RTL5: variants seen among roughly 807,000 people sequenced by gnomAD.
RTL5 encodes retrotransposon Gag like 5.
Under a neutral mutation model 7.7 loss-of-function variants are expected in RTL5, and 8 were observed. That is an observed-to-expected ratio of 1.04 (90% CI 0.61 to 1.88). The LOEUF is 1.88. Ranked by LOEUF, RTL5 falls within the 40% of genes most tolerant of loss-of-function variation. The probability of loss-of-function intolerance (pLI) is 0.00; values close to 1 mark genes in which losing one functional copy is unlikely to be tolerated. For missense variants in RTL5, 457 were observed against 472.7 expected (o/e 0.97, Z 0.31); for synonymous variants, 188 against 191.8 (o/e 0.98, Z 0.16).
At chrX:72,130,656 G>A (rs1304759670) in exon 1 of RTL5, 28 of 1,209,884 alleles carry the variant, frequency 2.3e-5, no homozygotes, top group Non-Finnish European at 3.1e-5. Flanking sequence ...CATCCAGGTC[G>A]GCCATTTCTG....
exon 1 of RTL5, chrX:72,129,856 G>A: frequency 8.3e-7 from 1 of 1,200,513 alleles, no homozygotes; most frequent in South Asian, 1.8e-5. Context: ...GCCACGAGCA[G>A]CTCGGTGGCC....
chrX:72,130,415 TCTC>T (rs778540620), exon 1 of RTL5: 382 of 1,192,969 alleles, frequency 3.2e-4, no homozygotes, highest in Non-Finnish European at 3.9e-4. Context: ...TCCTCCTCCT[TCTC>T]CTTCATCTCT....
rs748803964 is a variant in RTL5 at position 72,129,982 on chromosome X, C to G, written c.1559G>C (p.Gly520Ala). The change falls in exon 1 of 1, where the codon GGC becomes GCC. Residue 520 changes from glycine to alanine, a missense_variant. By Grantham distance (60) the Gly-to-Ala change is moderately conservative (BLOSUM62 0). Transcript: ENST00000609883. ...GGAGCTGTAGAATGGTGAATTGGTG[C>G]CTGGAAGGCCTTCCAGAAGTGGGAC... 9.1e-6 allele frequency: 11 copies of G among 1,209,425 alleles called. No homozygotes were observed. In the African/African-American group the frequency reaches 1.6e-4, roughly 17 times the overall value.
In RTL5 at chrX:72,130,074, G is replaced by A. The variant is rs767637198; in HGVS notation, c.1467C>T (p.His489=). ...GTGATGCACCCAGGAAGTTTTCGGC[G>A]TGGTAACCACTTGTGGGGCCAGAAG... The change falls in exon 1 of 1, where the codon CAC becomes CAT. Residue 489 remains histidine (H), a synonymous_variant. Coordinates refer to ENST00000609883, the Ensembl canonical transcript of RTL5. The A allele has an allele frequency of 1.6e-5, 19 of 1,209,122 alleles. No individual in the cohort carries two copies. The South Asian group carries it at 1.6e-4, about 10-fold the overall frequency.
At chrX:72,128,753 T>G (rs947389384) in exon 1 of RTL5, 1 of 112,972 alleles carries the variant, frequency 8.9e-6, no homozygotes, top group Admixed American at 9.3e-5. Flanking sequence ...GCCCTCTCTC[T>G]GTCTGTCCCA....
exon 1 of RTL5, chrX:72,131,558 C>T (rs1220845611): frequency 2.6e-6 from 3 of 1,148,190 alleles, no homozygotes; most frequent in African/African-American, 1.8e-5. Context: ...AGCCCAGGGG[C>T]CCTGGGGCTC....
rs1013475859 is a variant in RTL5, at chrX:72,130,672, C to T, written c.869G>A (p.Trp290Ter). The T allele has an allele frequency of 5.0e-6, 6 of 1,211,903 alleles. No homozygotes were observed. Among genetic ancestry groups the T allele is most frequent in the Non-Finnish European group, 6.7e-6 (6 of 895,461 alleles). The stretch of plus-strand genomic sequence containing the variant: ...ATCCAGGTCGGCCATTTCTGTTGAC[C>T]ATAAGAGCTCTTTGCGGAAGAATTC... The change falls in exon 1 of 1, where the codon TGG becomes TAG. Residue 290 changes from tryptophan to a stop codon, truncating the protein, a stop_gained. Transcript: ENST00000609883. LOFTEE classifies it low-confidence loss of function (END_TRUNC).
chrX:72,128,163 C>T (rs1403947247), exon 1 of RTL5: 6 of 112,018 alleles, frequency 5.4e-5, no homozygotes, highest in Admixed American at 3.7e-4. Flanking sequence ...GGGCATCTTA[C>T]CTCCCACTGA....
exon 1 of RTL5, chrX:72,130,547 T>C: frequency 8.3e-7 from 1 of 1,211,328 alleles, no homozygotes; most frequent in Non-Finnish European, 1.1e-6. Context: ...TCATTGGGAC[T>C]CGGAGCAAAA....
chrX:72,131,878 G>A, upstream of RTL5: 2 of 342,066 alleles, frequency 5.8e-6, no homozygotes, highest in Non-Finnish European at 9.8e-6. Context: ...AGGGGCGAGC[G>A]GAGCGGGAGG....
chrX:72,128,787 C>T (rs2042252472), exon 1 of RTL5: 1 of 113,172 alleles, frequency 8.8e-6, no homozygotes, highest in East Asian at 2.8e-4. Context: ...ATCAGGCCTC[C>T]TCTGCAACTC....
In RTL5 at chrX:72,129,869, CCT is replaced by C. The variant is rs772050607; in HGVS notation, c.1670_1671del (p.Gln557ArgfsTer55). 68 of 1,201,243 alleles carry C rather than the reference CCT, an allele frequency of 5.7e-5. No individual in the cohort carries two copies. The highest frequency in any genetic ancestry group is 1.6e-4 in the Admixed American group (7 of 44,989). ...CGGCCACGAGCAGCTCGGTGGCCCC[CCT>C]GTCTCGGAGTGAGGCGGAAAAGCAC... On this transcript the variant is annotated frameshift_variant, in exon 1 of 1. Coordinates refer to ENST00000609883, the Ensembl canonical transcript of RTL5. LOFTEE classifies it high-confidence loss of function.
chrX:72,129,047 A>C (rs2042256237), exon 1 of RTL5: 1 of 113,054 alleles, frequency 8.8e-6, no homozygotes, highest in Non-Finnish European at 1.9e-5. Context: ...GGGGGTGCCC[A>C]GGAGGGCAAT....
At chrX:72,128,584 C>A (rs1485582117) in exon 1 of RTL5, 1 of 112,876 alleles carries the variant, frequency 8.9e-6, no homozygotes, top group Non-Finnish European at 1.9e-5. Context: ...GAGGCAGCCA[C>A]CCTCTTAAGC....
chrX:72,127,604 T>C (rs1055837556), downstream of RTL5: 1 of 112,098 alleles, frequency 8.9e-6, no homozygotes, highest in African/African-American at 3.2e-5. Context: ...GGCCAGAGTG[T>C]TGACCATCAG....
chrX:72,130,338 C>A, exon 1 of RTL5: 2 of 1,174,750 alleles, frequency 1.7e-6, no homozygotes, highest in Non-Finnish European at 1.2e-6. Flanking sequence ...CTTTCTGTTT[C>A]ATTTCCTCTT....
exon 1 of RTL5, chrX:72,131,328 G>T (rs774040323): frequency 8.3e-7 from 1 of 1,203,006 alleles, no homozygotes; most frequent in Non-Finnish European, 1.1e-6. Flanking sequence ...CACTGAGCGC[G>T]AACTCCAAGT....
chrX:72,129,725 A>G, exon 1 of RTL5: 1 of 793,857 alleles, frequency 1.3e-6, no homozygotes, highest in Non-Finnish European at 1.8e-6. Flanking sequence ...GCAGGTCTGA[A>G]ACTCCCTGAA....
chrX:72,130,652 G>A (rs748229791), exon 1 of RTL5: 44 of 1,210,168 alleles, frequency 3.6e-5, no homozygotes, highest in Middle Eastern at 2.3e-4. Context: ...AGCTCATCCA[G>A]GTCGGCCATT....
Sources: allele counts gnomAD v4.1 joint callset, GRCh38; gene constraint gnomAD v4.1.1; transcripts MANE v1.5; gene names NCBI Gene and HGNC (gene_info 2026-07-23, HGNC 2026-07-21).